The following LTBP1 variants were observed in gnomAD, a reference collection of about 807,000 sequenced individuals.
LTBP1 encodes latent transforming growth factor beta binding protein 1, also known as latent-transforming growth factor beta-binding protein 1.
Under a neutral mutation model 207.6 loss-of-function variants are expected in LTBP1, and 129 were observed. The observed-to-expected ratio is 0.62, with a 90% confidence interval of 0.54 to 0.72. LTBP1 has a LOEUF of 0.72. LTBP1 is among the 30% of genes least tolerant of loss of function. The pLI, the probability that LTBP1 is intolerant of heterozygous loss-of-function variation, is 0.00. For synonymous variants in LTBP1, 963 were observed against 833.7 expected, an observed-to-expected ratio of 1.16 and a Z score of -2.67; for missense variants, 2,281 against 2,217.2, an observed-to-expected ratio of 1.03 and a Z score of -0.58.
intron 7 of LTBP1, among the ~76,000 whole-genome samples, chr2:33,214,476 C>T (rs973312827): frequency 3.3e-5 from 5 of 152,256 alleles, no homozygotes; most frequent in African/African-American, 9.6e-5. Context: ...ATGTTTGTTT[C>T]GTCATCTCTG....
intron 4 of LTBP1, among the ~76,000 whole-genome samples, chr2:33,131,351 G>A (rs1342126509): frequency 6.6e-6 from 1 of 152,198 alleles, no homozygotes; most frequent in Non-Finnish European, 1.5e-5. Flanking sequence ...CCTTCAGCGT[G>A]TCACATGTGA....
At chr2:33,375,136 A>G (rs2095120803) in intron 31 of LTBP1, among the ~76,000 whole-genome samples, 2 of 152,182 alleles carry the variant, frequency 1.3e-5, no homozygotes. Context: ...CCTCACTTGA[A>G]ATCCTAGTGA....
intron 26 of LTBP1, among the ~76,000 whole-genome samples, chr2:33,353,569 C>G (rs2094812293): frequency 6.6e-6 from 1 of 152,126 alleles, no homozygotes; most frequent in Non-Finnish European, 1.5e-5. Context: ...ATAACCCATC[C>G]CTCCCATTCC....
intron 9 of LTBP1, among the ~76,000 whole-genome samples, chr2:33,229,199 A>C (rs2367509): frequency 3.3e-5 from 5 of 152,032 alleles, no homozygotes; most frequent in Non-Finnish European, 7.4e-5. Context: ...GCCAGATGTA[A>C]TGGCTCATGC....
At chr2:33,386,757 T>A (rs2095268641) in intron 31 of LTBP1, among the ~76,000 whole-genome samples, 1 of 151,870 alleles carries the variant, frequency 6.6e-6, no homozygotes, top group Non-Finnish European at 1.5e-5. Context: ...CCCAGGAGTT[T>A]GAGGCTGCAG....
chr2:32,960,342 A>G (rs1422179483), intron 2 of LTBP1, among the ~76,000 whole-genome samples: 1 of 152,106 alleles, frequency 6.6e-6, no homozygotes, highest in Non-Finnish European at 1.5e-5. Context: ...GAGGGTAGGG[A>G]TTATACTATA....
At chr2:33,277,051 G>A (rs1172788206) in intron 18 of LTBP1, among the ~76,000 whole-genome samples, 2 of 152,166 alleles carry the variant, frequency 1.3e-5, no homozygotes, top group Non-Finnish European at 2.9e-5. Context: ...AATAGATCTG[G>A]GCTCTGTTAG....
chr2:32,969,405 GT>G (rs1183872209), intron 2 of LTBP1, among the ~76,000 whole-genome samples: 2 of 152,102 alleles, frequency 1.3e-5, no homozygotes, highest in Admixed American at 6.5e-5. Flanking sequence ...CTAATAGGTA[GT>G]TTTTTGATCC....
At chr2:33,053,207 A>C (rs995879954) in intron 3 of LTBP1, among the ~76,000 whole-genome samples, 2 of 152,168 alleles carry the variant, frequency 1.3e-5, no homozygotes, top group African/African-American at 4.8e-5. Context: ...TTTTAGGTTC[A>C]CAGCAAAATT....
Position 33,309,443 on chromosome 2 carries a change from A to C in LTBP1, c.3491A>C (p.Glu1164Ala). Residue 1164 changes from glutamate to alanine, a missense_variant, in exon 23 of 34, where the codon GAA becomes GCA. Glu to Ala is a moderately radical substitution (Grantham distance 107). Around this residue, in one of 3 missense-constraint regions of LTBP1, gnomAD observed 1,671 missense variants for 1,634.8 expected, o/e 1.02. Transcript: ENST00000404816. ...TTAAATTGGTTTTTAGATATCAATG[A>C]ATGCTTGGAGGACAAGAGTGTTTGC... The part of the protein sequence containing the change: ...GLGDHCEDIN[E>A]CLEDKSVCQR... The C allele has an allele frequency of 6.3e-7, 1 of 1,591,826 alleles. No homozygotes were observed. The highest frequency in any genetic ancestry group is 8.5e-7 in the Non-Finnish European group (1 of 1,173,962).
chr2:33,347,489 T>A lies in LTBP1; in HGVS notation c.3979T>A (p.Cys1327Ser). The A allele has an allele frequency of 6.2e-7, 1 of 1,614,136 alleles. No homozygotes were observed. ...NQEYSPMTGQCRSRTSTDLDV... is the reference protein window; with the variant it reads ...NQEYSPMTGQSRSRTSTDLDV... ...AGAGTACAGCCCCATGACTGGGCAG[T>A]GCCGCTCCCGGACCTCCACAGGTAA... The change falls in exon 26 of 34, where the codon TGC (cysteine) becomes AGC (serine). Residue 1327 changes from cysteine (C) to serine (S), a missense_variant. By Grantham distance (112) the Cys-to-Ser change is moderately radical. Coordinates refer to ENST00000404816, the MANE Select transcript of LTBP1 (RefSeq NM_206943.4).
intron 4 of LTBP1, among the ~76,000 whole-genome samples, chr2:33,127,470 A>G (rs1190802864): frequency 1.3e-5 from 2 of 151,732 alleles, no homozygotes; most frequent in Non-Finnish European, 2.9e-5. Flanking sequence ...CCCATTGTCC[A>G]TCTTCCCATG....
chr2:33,136,491 TA>T (rs1243967273), intron 5 of LTBP1, among the ~76,000 whole-genome samples: 4 of 152,068 alleles, frequency 2.6e-5, no homozygotes, highest in Admixed American at 6.6e-5. Context: ...TTTTCTGGCT[TA>T]AAAAAATTTT....
chr2:33,342,111 C>G (rs1205272482), intron 24 of LTBP1, among the ~76,000 whole-genome samples: 1 of 152,138 alleles, frequency 6.6e-6, no homozygotes, highest in African/African-American at 2.4e-5. Context: ...ATCTAAAAGT[C>G]TGTTGTAACT....
intron 3 of LTBP1, among the ~76,000 whole-genome samples, chr2:33,059,345 AAAG>A (rs2077157234): frequency 6.6e-6 from 1 of 152,214 alleles, no homozygotes; most frequent in Non-Finnish European, 1.5e-5. Flanking sequence ...TAAGGGAGAA[AAAG>A]AAGAGATATT....
chr2:33,370,452 A>G (rs1188408431), intron 31 of LTBP1, among the ~76,000 whole-genome samples: 1 of 152,204 alleles, frequency 6.6e-6, no homozygotes, highest in African/African-American at 2.4e-5. Context: ...GGGGCGCGAG[A>G]CACAGGATTC....
intron 26 of LTBP1, among the ~76,000 whole-genome samples, chr2:33,358,801 A>G (rs767491695): frequency 1.2e-4 from 18 of 152,192 alleles, no homozygotes; most frequent in Admixed American, 7.9e-4. Flanking sequence ...TGAGGGAGAG[A>G]TTCTAAAATT....
chr2:33,369,046 A>G (rs1036638027), intron 31 of LTBP1, among the ~76,000 whole-genome samples: 6 of 152,174 alleles, frequency 3.9e-5, no homozygotes, highest in Admixed American at 3.9e-4. Flanking sequence ...AAAAATATGG[A>G]TTTCAGAATA....
At chr2:33,061,876 C>T (rs2077286631) in intron 3 of LTBP1, among the ~76,000 whole-genome samples, 1 of 152,108 alleles carries the variant, frequency 6.6e-6, no homozygotes. Context: ...TTATAAGAAA[C>T]TCTCAGATGT....
Sources: allele counts gnomAD v4.1 joint callset (sites outside exome capture counted in the v4.1 genomes callset), GRCh38; gene constraint gnomAD v4.1.1; regional missense constraint gnomAD v4.1.1; transcripts MANE v1.5; gene names NCBI Gene and HGNC (gene_info 2026-07-23, HGNC 2026-07-21).